ARPP21: variants seen among roughly 807,000 people sequenced by gnomAD.
The protein encoded by ARPP21 is cAMP-regulated phosphoprotein 21.
Under a neutral mutation model 113.2 loss-of-function variants are expected in ARPP21, and 69 were observed. That is an observed-to-expected ratio of 0.61 (90% CI 0.50 to 0.74). ARPP21 has a LOEUF of 0.74. Among genes scored for constraint, ARPP21 ranks in the 30% least tolerant of loss-of-function variants. The pLI, the probability that ARPP21 is intolerant of heterozygous loss-of-function variation, is 0.00. For missense variants in ARPP21, 1,070 were observed against 1,037.4 expected (o/e 1.03, Z -0.43); for synonymous variants, 368 against 375.5 (o/e 0.98, Z 0.23).
At chr3:35,673,256 C>T (rs1005526657) in intron 1 of ARPP21, among the ~76,000 whole-genome samples, 2 of 152,020 alleles carry the variant, frequency 1.3e-5, no homozygotes, top group African/African-American at 4.8e-5. Context: ...CTGTCCCTCC[C>T]TTTTGGAAGT....
chr3:35,709,244 G>A (rs2090278498), intron 11 of ARPP21, among the ~76,000 whole-genome samples, 174 bp downstream of exon 11: 2 of 152,200 alleles, frequency 1.3e-5, no homozygotes, highest in Admixed American at 1.3e-4. Context: ...GGAAGTGATA[G>A]AAACCTAGCC....
intron 19 of ARPP21, among the ~76,000 whole-genome samples, chr3:35,768,340 A>T (rs1461152230): frequency 6.6e-6 from 1 of 151,786 alleles, no homozygotes; most frequent in East Asian, 1.9e-4. Context: ...GGCAAATTCT[A>T]CTCCAAACAG....
At chr3:35,695,173 A>G (rs952358083) in intron 9 of ARPP21, among the ~76,000 whole-genome samples, 19 of 151,590 alleles carry the variant, frequency 1.3e-4, no homozygotes, top group African/African-American at 4.6e-4. Flanking sequence ...CTACAAGAGC[A>G]TCAAGTGCGG....
rs564710089 is a variant in ARPP21, at chr3:35,698,410, C to T, written c.686+7405C>T. On this transcript the variant is annotated intron_variant, in intron 9 of 20. Transcript: ENST00000684406. ...TTAACTATTTTGAAAATGAAACATGCGTATATGTTCTATAACATAGTATCC... is the reference window on the plus strand; with the variant it reads ...TTAACTATTTTGAAAATGAAACATGTGTATATGTTCTATAACATAGTATCC... Among the ~76,000 whole-genome samples the T allele has an allele frequency of 1.8e-3, 278 of 151,552 alleles. 2 individuals carry two copies. The highest frequency in any genetic ancestry group is 6.2e-3 in the African/African-American group (256 of 41,406).
At chr3:35,782,658 G>A (rs114848944) in intron 19 of ARPP21, among the ~76,000 whole-genome samples, 46 of 151,802 alleles carry the variant, frequency 3.0e-4, no homozygotes, top group East Asian at 2.7e-3. Flanking sequence ...GTATGCAACC[G>A]TTGATGTTGA....
chr3:35,652,054 A>G (rs899944451), intron 1 of ARPP21: 1 of 152,108 alleles, frequency 6.6e-6, no homozygotes, highest in Non-Finnish European at 1.5e-5. Context: ...TTGGATGGGC[A>G]GTAGAGACTT....
At chr3:35,717,385 T>G in intron 13 of ARPP21, 28 bp downstream of exon 13, 1 of 1,429,458 alleles carries the variant, frequency 7.0e-7, no homozygotes, top group South Asian at 1.1e-5. Context: ...TCTTAAACTG[T>G]GTTTTTTTCA....
chr3:35,685,453 A>G (rs2080271508), intron 5 of ARPP21: 15 of 985,226 alleles, frequency 1.5e-5, no homozygotes, highest in Non-Finnish European at 1.8e-5. Context: ...CTTTTTAGAG[A>G]ATAAAGAAAC....
chr3:35,759,193 TCTAA>T (rs973486962), intron 19 of ARPP21, among the ~76,000 whole-genome samples: 8 of 151,970 alleles, frequency 5.3e-5, no homozygotes, highest in African/African-American at 1.7e-4. Context: ...GATAGAAGAC[TCTAA>T]CTGAGGTCTA....
chr3:35,756,144 C>T (rs988398330), intron 19 of ARPP21, among the ~76,000 whole-genome samples: 7 of 152,056 alleles, frequency 4.6e-5, no homozygotes, highest in African/African-American at 7.2e-5. Flanking sequence ...ATCACCCCCT[C>T]CAGCTCTGAA....
intron 1 of ARPP21, among the ~76,000 whole-genome samples, chr3:35,677,687 G>T (rs1229926534): frequency 6.6e-6 from 1 of 151,844 alleles, no homozygotes; most frequent in African/African-American, 2.4e-5. Flanking sequence ...CCTTCAAACT[G>T]TAACAGTTGA....
intron 1 of ARPP21, among the ~76,000 whole-genome samples, chr3:35,656,743 A>G (rs1705131835): frequency 6.6e-6 from 1 of 152,060 alleles, no homozygotes; most frequent in South Asian, 2.1e-4. Context: ...GATGGTGGTT[A>G]TATAAATTTA....
intron 9 of ARPP21, among the ~76,000 whole-genome samples, chr3:35,692,008 A>T (rs996861713): frequency 6.6e-6 from 1 of 151,566 alleles, no homozygotes; most frequent in African/African-American, 2.4e-5. Context: ...CTCAAGCATC[A>T]GTCTGTGCTC....
chr3:35,740,808 G>A (rs1434295731), intron 18 of ARPP21, among the ~76,000 whole-genome samples: 1 of 151,176 alleles, frequency 6.6e-6, no homozygotes, highest in Non-Finnish European at 1.5e-5. Flanking sequence ...ATAAATAAAT[G>A]AAAAATTAGC....
chr3:35,695,381 C>G (rs1255237507), intron 9 of ARPP21, among the ~76,000 whole-genome samples: 1 of 151,536 alleles, frequency 6.6e-6, no homozygotes, highest in Admixed American at 6.6e-5. Flanking sequence ...TCACCAACAA[C>G]AGACTTCGGT....
At chr3:35,724,976 T>C (rs1053044551) in intron 14 of ARPP21, among the ~76,000 whole-genome samples, 7 of 152,162 alleles carry the variant, frequency 4.6e-5, no homozygotes, top group African/African-American at 1.7e-4. Context: ...CACCAGATGG[T>C]ACAGGCAAAA....
At chr3:35,689,171 G>A (rs963140744) in intron 6 of ARPP21, 136 bp from the exon 7 acceptor site, 4 of 652,898 alleles carry the variant, frequency 6.1e-6, no homozygotes, top group Admixed American at 6.1e-5. Flanking sequence ...TGCTAGTTTT[G>A]AAACATGTAT....
chr3:35,677,722 C>T (rs2077879325), intron 1 of ARPP21, among the ~76,000 whole-genome samples: 1 of 151,730 alleles, frequency 6.6e-6, no homozygotes, highest in African/African-American at 2.4e-5. Context: ...ATTTATTAAC[C>T]AAATGTTGAA....
At chr3:35,734,724 C>T (rs953981883) in intron 15 of ARPP21, among the ~76,000 whole-genome samples, 5 of 152,212 alleles carry the variant, frequency 3.3e-5, no homozygotes, top group Admixed American at 1.3e-4. Context: ...TTGCTCTCTA[C>T]GAGTGAGCAT....
Sources: gnomAD v4.1 joint callset for allele counts (sites outside exome capture counted in the v4.1 genomes callset) on GRCh38, gnomAD v4.1.1 for gene constraint, MANE v1.5 for transcripts, NCBI Gene and HGNC (gene_info 2026-07-23, HGNC 2026-07-21) for gene names.